Variants in DPYD observed in about 807,000 individuals in gnomAD.
DPYD encodes the protein dihydropyrimidine dehydrogenase.
Under a neutral mutation model 116.2 loss-of-function variants are expected in DPYD, and 109 were observed. The ratio of observed to expected loss-of-function variants is 0.94; its 90% confidence interval spans 0.80 to 1.10. DPYD has a LOEUF of 1.10. Ranked by LOEUF, DPYD falls within the 50% of genes least tolerant of loss-of-function variation. The pLI, the probability that DPYD is intolerant of heterozygous loss-of-function variation, is 0.00. For synonymous variants in DPYD, 440 were observed against 432.0 expected, an observed-to-expected ratio of 1.02 and a Z score of -0.23; for missense variants, 1,302 against 1,254.5, an observed-to-expected ratio of 1.04 and a Z score of -0.57.
At chr1:97,428,081 C>T (rs149926012) in intron 14 of DPYD, among the ~76,000 whole-genome samples, 17 of 152,162 alleles carry the variant, frequency 1.1e-4, no homozygotes, top group Non-Finnish European at 1.5e-4. Context: ...TTATACATTA[C>T]GAAAGTGATT....
intron 1 of DPYD, among the ~76,000 whole-genome samples, chr1:97,890,320 C>T (rs1055514337): frequency 3.3e-5 from 5 of 151,874 alleles, no homozygotes; most frequent in South Asian, 2.1e-4. Context: ...TACATTCAGT[C>T]GATTTAGCCA....
intron 9 of DPYD, 39 bp downstream of exon 9, chr1:97,595,020 G>T: frequency 1.4e-6 from 2 of 1,395,792 alleles, no homozygotes; most frequent in Non-Finnish European, 1.0e-6. Flanking sequence ...AAATAAAATA[G>T]CATACTCACT....
intron 10 of DPYD, among the ~76,000 whole-genome samples, chr1:97,585,128 C>G (rs867718021): frequency 1.2e-4 from 18 of 152,142 alleles, no homozygotes; most frequent in Non-Finnish European, 2.5e-4. Flanking sequence ...TTCAACATGC[C>G]TCACTGGTCT....
intron 14 of DPYD, among the ~76,000 whole-genome samples, chr1:97,416,225 A>T (rs2101682831): frequency 6.6e-6 from 1 of 152,340 alleles, no homozygotes; most frequent in African/African-American, 2.4e-5. Context: ...CTCGGAAAGG[A>T]CTTCAAACTG....
At position 97,410,673 on chromosome 1, in the gene DPYD, G is replaced by C. The variant is rs532267861; in HGVS notation, c.1906-28212C>G. On this transcript the variant is annotated intron_variant, in intron 14 of 22. Transcript: ENST00000370192. ...GTCACATTGTGAGCATATTATATTTGTGAATTAATGCAGTTTAAAAAAGAA... is the reference window on the plus strand; with the variant it reads ...GTCACATTGTGAGCATATTATATTTCTGAATTAATGCAGTTTAAAAAAGAA... Among the ~76,000 whole-genome samples, 267 of 152,108 alleles carry C rather than the reference G, an allele frequency of 1.8e-3. 1 individual carries two copies. Among genetic ancestry groups the C allele is most frequent in the Non-Finnish European group, 3.3e-3 (221 of 67,988 alleles).
chr1:97,290,920 T>A (rs928782276), intron 18 of DPYD, among the ~76,000 whole-genome samples: 7 of 151,236 alleles, frequency 4.6e-5, no homozygotes, highest in African/African-American at 1.7e-4. Flanking sequence ...TGGGAGAAAA[T>A]TTTCACAACC....
intron 2 of DPYD, among the ~76,000 whole-genome samples, chr1:97,834,229 C>T (rs1039739078): frequency 6.6e-6 from 1 of 151,960 alleles, no homozygotes; most frequent in Non-Finnish European, 1.5e-5. Context: ...TAAAAAAAGA[C>T]ACAAAAGTCA....
chr1:97,353,313 G>A (rs1670245188), intron 16 of DPYD, among the ~76,000 whole-genome samples: 1 of 152,092 alleles, frequency 6.6e-6, no homozygotes, highest in Non-Finnish European at 1.5e-5. Context: ...TTTGTAGAGG[G>A]GCAGGGCTGC....
At chr1:97,480,821 T>C (rs1369025590) in intron 13 of DPYD, among the ~76,000 whole-genome samples, 1 of 151,942 alleles carries the variant, frequency 6.6e-6, no homozygotes, top group Non-Finnish European at 1.5e-5. Flanking sequence ...TCTCTACTAA[T>C]AATACAAAAT....
At chr1:97,110,273 G>T (rs1310226762) in intron 20 of DPYD, among the ~76,000 whole-genome samples, 1 of 152,104 alleles carries the variant, frequency 6.6e-6, no homozygotes, top group Non-Finnish European at 1.5e-5. Flanking sequence ...GAATAAAACA[G>T]ATATGATCTC....
intron 19 of DPYD, among the ~76,000 whole-genome samples, chr1:97,206,616 T>G (rs867714082): frequency 3.0e-5 from 4 of 132,526 alleles, no homozygotes; most frequent in Non-Finnish European, 6.5e-5. Context: ...GCAACTGGCT[T>G]TCATGTGAAA....
chr1:97,296,586 T>G (rs546825205), intron 18 of DPYD, among the ~76,000 whole-genome samples: 3 of 152,106 alleles, frequency 2.0e-5, no homozygotes, highest in Non-Finnish European at 2.9e-5. Flanking sequence ...TTATGATATA[T>G]TCATGCTGTT....
At chr1:97,100,296 A>G (rs1208420617) in intron 20 of DPYD, among the ~76,000 whole-genome samples, 1 of 152,034 alleles carries the variant, frequency 6.6e-6, no homozygotes, top group Non-Finnish European at 1.5e-5. Context: ...GGTGTTAGGG[A>G]TTACACTTGG....
intron 12 of DPYD, among the ~76,000 whole-genome samples, chr1:97,540,201 A>G (rs972275881): frequency 2.0e-5 from 3 of 151,436 alleles, no homozygotes; most frequent in African/African-American, 7.3e-5. Flanking sequence ...ACCACTTCAA[A>G]TGCCAATAAC....
intron 18 of DPYD, among the ~76,000 whole-genome samples, chr1:97,289,317 A>C (rs1266202690): frequency 1.3e-5 from 2 of 152,128 alleles, no homozygotes; most frequent in African/African-American, 2.4e-5. Context: ...AAAAGAGGGA[A>C]TCCTCCCTAA....
At chr1:97,101,751 G>A (rs1650705356) in intron 20 of DPYD, among the ~76,000 whole-genome samples, 1 of 152,012 alleles carries the variant, frequency 6.6e-6, no homozygotes, top group South Asian at 2.1e-4. Context: ...GTAACTCAAA[G>A]TGAGAGGTTT....
intron 19 of DPYD, among the ~76,000 whole-genome samples, chr1:97,198,677 G>T (rs1223322257): frequency 6.6e-6 from 1 of 152,124 alleles, no homozygotes; most frequent in Non-Finnish European, 1.5e-5. Context: ...TAACAGCTCT[G>T]ATTAGGACTC....
At chr1:97,124,218 C>T (rs769105872) in intron 20 of DPYD, among the ~76,000 whole-genome samples, 7 of 152,062 alleles carry the variant, frequency 4.6e-5, no homozygotes, top group Non-Finnish European at 7.4e-5. Flanking sequence ...CCTCCACCCC[C>T]GCCCTGCTCT....
At chr1:97,178,487 C>T (rs1657441721) in intron 20 of DPYD, among the ~76,000 whole-genome samples, 1 of 151,992 alleles carries the variant, frequency 6.6e-6, no homozygotes, top group Admixed American at 6.6e-5. Context: ...AGGGAAGAGC[C>T]CCTTATGAAA....
Sources: gnomAD v4.1 joint callset for allele counts (sites outside exome capture counted in the v4.1 genomes callset) on GRCh38, gnomAD v4.1.1 for gene constraint, MANE v1.5 for transcripts, NCBI Gene and HGNC (gene_info 2026-07-23, HGNC 2026-07-21) for gene names.